Variants in TPP2 observed in about 807,000 individuals in gnomAD.
TPP2 encodes tripeptidyl-peptidase 2.
A neutral mutation model predicts 155.9 loss-of-function variants in TPP2; 34 were observed. The ratio of observed to expected loss-of-function variants is 0.22; its 90% confidence interval spans 0.17 to 0.29. The LOEUF (loss-of-function observed/expected upper bound fraction) is 0.29, where lower values mean the gene tolerates loss of function less well. TPP2 is among the 10% of genes least tolerant of loss of function. The pLI, the probability that TPP2 is intolerant of heterozygous loss-of-function variation, is 1.00. For synonymous variants in TPP2, 510 were observed against 529.4 expected, an observed-to-expected ratio of 0.96 and a Z score of 0.50; for missense variants, 1,028 against 1,522.3, an observed-to-expected ratio of 0.68 and a Z score of 5.40.
intron 24 of TPP2, among the ~76,000 whole-genome samples, chr13:102,651,694 A>G (rs1018050371): frequency 6.6e-6 from 1 of 152,036 alleles, no homozygotes; most frequent in African/African-American, 2.4e-5. Context: ...GCAATATTTG[A>G]AATTTTTCAT....
chr13:102,647,155 AT>A lies in TPP2; in HGVS notation c.2491-51del, dbSNP rs1883163886. The A allele has an allele frequency of 2.7e-6, 4 of 1,506,528 alleles. No individual in the cohort carries two copies. In the South Asian group the frequency reaches 5.5e-5, roughly 21 times the overall value. The allele number at this position is 1,506,528 out of a possible 1,614,324, so 93.3% of individuals were successfully genotyped here. ...GTCAATAACAATATTAAAAATTTGT[AT>A]CAGAAATTATATGCAAATCATGCCA... On this transcript the variant is annotated intron_variant, in intron 20 of 29. Transcript: ENST00000376052.
chr13:102,634,937 C>T (rs998617080), intron 11 of TPP2, among the ~76,000 whole-genome samples: 8 of 152,180 alleles, frequency 5.3e-5, no homozygotes, highest in Non-Finnish European at 1.0e-4. Context: ...CTCTAAGAGG[C>T]GGCTTATCTG....
chr13:102,655,273 C>T (rs938819996), intron 24 of TPP2, among the ~76,000 whole-genome samples: 45 of 152,230 alleles, frequency 3.0e-4, no homozygotes, highest in African/African-American at 1.1e-3. Flanking sequence ...GTCGTATATG[C>T]TCCTAAAAAT....
chr13:102,670,549 C>T (rs953279852), intron 27 of TPP2, among the ~76,000 whole-genome samples: 1 of 152,178 alleles, frequency 6.6e-6, no homozygotes. Flanking sequence ...GAAAAACAAA[C>T]AATTGAACTG....
intron 6 of TPP2, among the ~76,000 whole-genome samples, chr13:102,626,357 T>A (rs1292539255): frequency 6.6e-6 from 1 of 152,262 alleles, no homozygotes; most frequent in Non-Finnish European, 1.5e-5. Context: ...TATTGCTGTA[T>A]AATTGTCAGT....
chr13:102,599,452 G>C (rs892709977), intron 1 of TPP2, among the ~76,000 whole-genome samples: 3 of 152,046 alleles, frequency 2.0e-5, no homozygotes, highest in African/African-American at 4.8e-5. Flanking sequence ...ATTAAGATTA[G>C]AGGATGGATA....
intron 24 of TPP2, among the ~76,000 whole-genome samples, chr13:102,654,082 G>A (rs1363146842): frequency 1.3e-5 from 2 of 151,964 alleles, no homozygotes; most frequent in African/African-American, 4.8e-5. Flanking sequence ...AAGAATAAAG[G>A]TACAAAATTA....
At chr13:102,663,167 G>A (rs1177691191) in intron 25 of TPP2, among the ~76,000 whole-genome samples, 1 of 148,268 alleles carries the variant, frequency 6.7e-6, no homozygotes. Context: ...TTTATTTTTT[G>A]AGATGGAGTC....
Position 102,652,836 on chromosome 13 carries a change from C to T in TPP2, c.2991+1439C>T, listed in dbSNP as rs6491704. 2.1e-3 allele frequency among the ~76,000 whole-genome samples: 315 copies of T among 152,204 alleles called. 3 individuals are homozygous for T. The highest frequency in any genetic ancestry group is 7.2e-3 in the African/African-American group (300 of 41,524). ...AAATAGGAAATGTCAGTTCATCAGA[C>T]TCATAAAATTGTAATTTCATTTTAT... On this transcript the variant is annotated intron_variant, in intron 24 of 29. Coordinates refer to ENST00000376052, the MANE Select transcript of TPP2 (RefSeq NM_001330588.2).
In TPP2 at chr13:102,678,370, A is replaced by G; in HGVS notation, c.*54A>G. ...AAAGGAAGTTTTATAGTGAATGGGT[A>G]TAAAAACAAATTTGTGGCATTTTTA... On this transcript the variant is annotated 3_prime_UTR_variant, in exon 30 of 30. Coordinates refer to ENST00000376052, the MANE Select transcript of TPP2 (RefSeq NM_001330588.2). 1 of 1,510,258 alleles carries G rather than the reference A, an allele frequency of 6.6e-7. No homozygotes were observed. Among genetic ancestry groups the G allele is most frequent in the Admixed American group, 1.8e-5 (1 of 56,134 alleles). 93.6% of individuals were successfully genotyped at this position (1,510,258 alleles called of 1,614,324 possible).
At chr13:102,626,894 A>AGC in intron 6 of TPP2, 118 bp from the exon 7 acceptor site, 1 of 1,062,494 alleles carries the variant, frequency 9.4e-7, no homozygotes, top group Non-Finnish European at 1.3e-6. Flanking sequence ...GCTCTCCATG[A>AGC]ACAGGGTAGC....
At chr13:102,677,441 CA>C (rs1386357066) in intron 29 of TPP2, among the ~76,000 whole-genome samples, 1 of 152,180 alleles carries the variant, frequency 6.6e-6, no homozygotes, top group East Asian at 1.9e-4. Flanking sequence ...GTTGAATCTC[CA>C]TCACATTTGG....
intron 25 of TPP2, among the ~76,000 whole-genome samples, chr13:102,663,140 A>ATTTT (rs1566368027): frequency 1.1e-3 from 63 of 55,470 alleles, no homozygotes; most frequent in East Asian, 9.1e-3. Context: ...ATTTTTTTTA[A>ATTTT]TTAATTAATT....
At chr13:102,648,749 T>C (rs117167921) in intron 21 of TPP2, among the ~76,000 whole-genome samples, 158 bp from the exon 22 acceptor site, 2,173 of 152,260 alleles carry the variant, frequency 0.014, 28 homozygotes, top group Non-Finnish European at 0.021. Flanking sequence ...CTAGGGACTT[T>C]ATGTGTTATA....
intron 26 of TPP2, among the ~76,000 whole-genome samples, chr13:102,663,991 TG>T (rs1489120798): frequency 6.6e-6 from 1 of 152,252 alleles, no homozygotes; most frequent in Non-Finnish European, 1.5e-5. Context: ...CCTTAACGAT[TG>T]TTTTCATGAC....
rs1880535184 is a variant in TPP2, at chr13:102,614,132, A to G, written c.326A>G (p.Lys109Arg). The change falls in exon 3 of 30, where the codon AAA becomes AGA. Residue 109 changes from lysine to arginine, a missense_variant. This residue lies in a region of TPP2 where 300 missense variants were observed against 398.3 expected (regional missense o/e 0.75). Coordinates refer to ENST00000376052, the MANE Select transcript of TPP2 (RefSeq NM_001330588.2). ...IPASWTNPSG[K>R]YHIGIKNGYD... is the part of the protein sequence containing the mutation. ...GCAAGCTGGACAAATCCCTCAGGCA[A>G]ATATCATATTGGCATAAAAAATGGC... is the stretch of plus-strand genomic sequence containing the variant. 6.2e-7 allele frequency: 1 copy of G among 1,613,622 alleles called. No individual in the cohort carries two copies. Among genetic ancestry groups the G allele is most frequent in the African/African-American group, 1.3e-5 (1 of 75,000 alleles).
chr13:102,629,977 C>T (rs1340223478), intron 9 of TPP2, 119 bp from the exon 10 acceptor site: 3 of 732,858 alleles, frequency 4.1e-6, no homozygotes, highest in African/African-American at 1.8e-5. Flanking sequence ...TTTATTCTTC[C>T]ATCGTATTAG....
chr13:102,677,567 T>A (rs141420765), intron 29 of TPP2, among the ~76,000 whole-genome samples: 1 of 152,188 alleles, frequency 6.6e-6, no homozygotes, highest in South Asian at 2.1e-4. Flanking sequence ...GCATCTCTGC[T>A]TAGCACAAAC....
chr13:102,630,276 G>T, intron 10 of TPP2, 81 bp downstream of exon 10: 3 of 1,019,838 alleles, frequency 2.9e-6, no homozygotes, highest in South Asian at 1.8e-5. Context: ...TTTTAGATAA[G>T]TTTGCTAGTT....
Sources: gnomAD v4.1 joint callset for allele counts (sites outside exome capture counted in the v4.1 genomes callset) on GRCh38, gnomAD v4.1.1 for gene constraint, gnomAD v4.1.1 regional missense constraint, MANE v1.5 for transcripts, NCBI Gene and HGNC (gene_info 2026-07-23, HGNC 2026-07-21) for gene names.